TMEM50A: variants seen among roughly 807,000 people sequenced by gnomAD.
The protein encoded by TMEM50A is cervical cancer oncogene 9.
TMEM50A carries 8 observed loss-of-function variants against 23.9 expected under a neutral mutation model. The ratio of observed to expected loss-of-function variants is 0.33; its 90% CI spans 0.20 to 0.60. TMEM50A has a LOEUF of 0.60. Among genes scored for constraint, TMEM50A ranks in the 20% least tolerant of loss-of-function variants. TMEM50A has a pLI of 0.81. For missense variants in TMEM50A, 178 were observed against 192.7 expected (o/e 0.92, Z 0.45); for synonymous variants, 55 against 60.4 (o/e 0.91, Z 0.41).
In TMEM50A at chr1:25,360,744, G is replaced by C; in HGVS notation, c.*39G>C. 6.2e-7 allele frequency: 1 copy of C among 1,610,792 alleles called. No homozygotes were observed. Among genetic ancestry groups the C allele is most frequent in the Non-Finnish European group, 8.5e-7 (1 of 1,177,962 alleles). ...CCCACAGCACAACAGCCCTGCATGG[G>C]TTTGTTTGTTTTTTTACTGCTCACT... On this transcript the variant is annotated 3_prime_UTR_variant, in exon 7 of 7. Coordinates refer to ENST00000374358, the MANE Select transcript of TMEM50A (RefSeq NM_014313.4).
intron 1 of TMEM50A, 45 bp downstream of exon 1, chr1:25,338,501 G>C (rs971383681): frequency 6.6e-6 from 1 of 152,458 alleles, no homozygotes; most frequent in Non-Finnish European, 1.5e-5. Context: ...AGCGGCCGCA[G>C]GCTGGAGAGG....
chr1:25,340,720 G>T, intron 2 of TMEM50A, 141 bp downstream of exon 2: 1 of 633,978 alleles, frequency 1.6e-6, no homozygotes, highest in Non-Finnish European at 2.6e-6. Flanking sequence ...GTTGTTTGTG[G>T]AGAGTTATTA....
intron 3 of TMEM50A, among the ~76,000 whole-genome samples, chr1:25,345,720 T>C (rs2124242534): frequency 6.6e-6 from 1 of 151,750 alleles, no homozygotes; most frequent in South Asian, 2.1e-4. Context: ...CACTCCAGCC[T>C]GGGCGACAGA....
At position 25,362,298 on chromosome 1, in the gene TMEM50A, G is replaced by T; in HGVS notation, c.*1593G>T. 1 of 940,908 alleles carries T rather than the reference G, an allele frequency of 1.1e-6. No individual in the cohort carries two copies. Among genetic ancestry groups the T allele is most frequent in the Non-Finnish European group, 1.6e-6 (1 of 633,900 alleles). 58.3% of individuals were successfully genotyped at this position (940,908 alleles called of 1,614,324 possible). ...ATGTGTCTGTAACCAAGAAAATATT[G>T]ATAGCATCATCCTAATGAAACTAAA... On this transcript the variant is annotated 3_prime_UTR_variant, in exon 7 of 7. Transcript: ENST00000374358.
In TMEM50A at chr1:25,361,552, G is replaced by C. The variant is rs749300832; in HGVS notation, c.*847G>C. ...AACCACTAGCCTAATAGACCAGCACGGTCAACTAGAATGACAAACATTAGC... is the reference window on the plus strand; with the variant it reads ...AACCACTAGCCTAATAGACCAGCACCGTCAACTAGAATGACAAACATTAGC... On this transcript the variant is annotated 3_prime_UTR_variant, in exon 7 of 7. Coordinates refer to ENST00000374358, the MANE Select transcript of TMEM50A (RefSeq NM_014313.4). 6.6e-6 allele frequency: 1 copy of C among 152,160 alleles called. No homozygotes were observed. 9.4% of individuals were successfully genotyped at this position (152,160 alleles called of 1,614,324 possible).
At chr1:25,357,528 A>AGTGT (rs58801158) in intron 6 of TMEM50A, among the ~76,000 whole-genome samples, 5,363 of 139,538 alleles carry the variant, frequency 0.038, 142 homozygotes, top group East Asian at 0.061. Context: ...CTGCATCAGG[A>AGTGT]GTGTGTGTGT....
Position 25,361,432 on chromosome 1 carries a change from A to G in TMEM50A, c.*727A>G, listed in dbSNP as rs1645402149. ...CCATTGAAGGAAAGGAAAAAAGGGC[A>G]GAGACTTGACACTCCAGTCTTAGAC... On this transcript the variant is annotated 3_prime_UTR_variant, in exon 7 of 7. Transcript: ENST00000374358. 1 of 152,350 alleles carries G rather than the reference A, an allele frequency of 6.6e-6. No homozygotes were observed. Among genetic ancestry groups the G allele is most frequent in the South Asian group, 2.1e-4 (1 of 4,834 alleles). The allele number at this position is 152,350 out of a possible 1,614,324, so 9.4% of individuals were successfully genotyped here. A position where few individuals can be genotyped will look rare whatever the true frequency, so the allele number is the denominator to read the frequency against.
intron 5 of TMEM50A, 21 bp downstream of exon 5, chr1:25,352,995 C>T (rs1442435123): frequency 6.3e-7 from 1 of 1,585,790 alleles, no homozygotes; most frequent in Non-Finnish European, 8.6e-7. Flanking sequence ...ACATAGGTTA[C>T]AATTTACTTC....
chr1:25,355,488 T>C (rs975554453), intron 5 of TMEM50A, among the ~76,000 whole-genome samples: 2 of 152,228 alleles, frequency 1.3e-5, no homozygotes, highest in Non-Finnish European at 2.9e-5. Context: ...TGTCTTTATC[T>C]CATAATTTTA....
chr1:25,352,495 C>CA (rs766371248), intron 4 of TMEM50A, among the ~76,000 whole-genome samples: 7,245 of 58,672 alleles, frequency 0.12, 881 homozygotes, highest in African/African-American at 0.33. Context: ...GACTCTGCCT[C>CA]AAAAAAAAAA....
intron 6 of TMEM50A, among the ~76,000 whole-genome samples, chr1:25,358,387 CT>C (rs1325155750): frequency 6.6e-6 from 1 of 152,124 alleles, no homozygotes; most frequent in Non-Finnish European, 1.5e-5. Flanking sequence ...AAAGAAGCCC[CT>C]AATCCAAAAA....
chr1:25,349,492 A>G (rs1475243861), intron 3 of TMEM50A, among the ~76,000 whole-genome samples: 1 of 152,256 alleles, frequency 6.6e-6, no homozygotes, highest in African/African-American at 2.4e-5. Flanking sequence ...TCTATTTTAT[A>G]TACAAAATAA....
chr1:25,347,025 A>C (rs190562006), intron 3 of TMEM50A, among the ~76,000 whole-genome samples: 1 of 152,066 alleles, frequency 6.6e-6, no homozygotes, highest in Non-Finnish European at 1.5e-5. Context: ...TCTCAAAACA[A>C]ACAAACAAAC....
At chr1:25,343,565 AAAT>A (rs1436781943) in intron 3 of TMEM50A, among the ~76,000 whole-genome samples, 1 of 152,086 alleles carries the variant, frequency 6.6e-6, no homozygotes, top group Admixed American at 6.6e-5. Context: ...AGAAATTAAA[AAAT>A]TTTTTTTTTT....
chr1:25,358,943 C>T (rs977670270), intron 6 of TMEM50A, among the ~76,000 whole-genome samples: 6 of 152,188 alleles, frequency 3.9e-5, no homozygotes, highest in Admixed American at 2.6e-4. Context: ...TTTGTAGAGA[C>T]GGGGTTTTGC....
At chr1:25,343,155 A>T in intron 3 of TMEM50A, 82 bp downstream of exon 3, 1 of 1,048,550 alleles carries the variant, frequency 9.5e-7, no homozygotes, top group Non-Finnish European at 1.4e-6. Flanking sequence ...TAGATTTAAA[A>T]TTCTAAATAT....
chr1:25,342,927 C>G, intron 2 of TMEM50A, 34 bp from the exon 3 acceptor site: 1 of 1,565,522 alleles, frequency 6.4e-7, no homozygotes, highest in South Asian at 1.1e-5. Flanking sequence ...TACAGAATTG[C>G]TATGATTTCT....
At chr1:25,339,140 A>G (rs1645138419) in intron 1 of TMEM50A, among the ~76,000 whole-genome samples, 1 of 152,248 alleles carries the variant, frequency 6.6e-6, no homozygotes, top group African/African-American at 2.4e-5. Flanking sequence ...TTGGACAACC[A>G]TAATTGCTGG....
chr1:25,347,944 T>C (rs1645236054), intron 3 of TMEM50A, among the ~76,000 whole-genome samples: 1 of 152,258 alleles, frequency 6.6e-6, no homozygotes, highest in Non-Finnish European at 1.5e-5. Context: ...AAAAGTTTTA[T>C]TTTTGTGATT....
Sources: allele counts gnomAD v4.1 joint callset (sites outside exome capture counted in the v4.1 genomes callset), GRCh38; gene constraint gnomAD v4.1.1; transcripts MANE v1.5; gene names NCBI Gene and HGNC (gene_info 2026-07-23, HGNC 2026-07-21).